The following WWOX variants were observed in gnomAD, a reference collection of about 807,000 sequenced individuals.
The protein encoded by WWOX is WW domain containing oxidoreductase.
In WWOX, 69 loss-of-function variants were observed where a neutral mutation model predicts 46.2. The observed-to-expected ratio is 1.49, with a 90% CI of 1.23 to 1.82. The LOEUF (loss-of-function observed/expected upper bound fraction) is 1.82. Ranked by LOEUF, WWOX falls within the 40% of genes most tolerant of loss-of-function variation. The pLI, the probability that WWOX is intolerant of heterozygous loss-of-function variation, is 0.00. For missense variants in WWOX, 919 were observed against 542.6 expected, an observed-to-expected ratio of 1.69 and a Z score of -6.89; for synonymous variants, 359 against 202.6, an observed-to-expected ratio of 1.77 and a Z score of -6.56.
intron 7 of WWOX, among the ~76,000 whole-genome samples, chr16:78,428,574 T>A (rs1432968338): frequency 1.3e-5 from 2 of 152,238 alleles, no homozygotes; most frequent in Non-Finnish European, 2.9e-5. Context: ...CATCATGGGA[T>A]TCTTTTGACT....
intron 4 of WWOX, among the ~76,000 whole-genome samples, chr16:78,117,678 T>G (rs2032870529): frequency 6.6e-6 from 1 of 152,216 alleles, no homozygotes; most frequent in African/African-American, 2.4e-5. Flanking sequence ...AATTTATAAA[T>G]TGCTATCACT....
chr16:78,958,160 A>C (rs2046205947), intron 8 of WWOX, among the ~76,000 whole-genome samples: 1 of 152,206 alleles, frequency 6.6e-6, no homozygotes, highest in Non-Finnish European at 1.5e-5. Context: ...ACGGCGAAGG[A>C]AATTCCATTT....
At chr16:78,510,680 T>C (rs949757808) in intron 8 of WWOX, among the ~76,000 whole-genome samples, 6 of 152,244 alleles carry the variant, frequency 3.9e-5, no homozygotes, top group African/African-American at 1.4e-4. Context: ...ATAAAGAATG[T>C]TGTTTATTTT....
chr16:79,088,520 T>C lies in WWOX; in HGVS notation c.1057-123088T>C, dbSNP rs143859426. Among the ~76,000 whole-genome samples, 78 of 152,322 alleles carry C rather than the reference T, an allele frequency of 5.1e-4. No individual in the cohort carries two copies. In the East Asian group the frequency reaches 0.011, roughly 22 times the overall value. ...AGTCTTATCTGGGCCGCTGCAAATA[T>C]GACGGAGTCAGAAAAATGACAACAT... On this transcript the variant is annotated intron_variant, in intron 8 of 8. Coordinates refer to ENST00000566780, the MANE Select transcript of WWOX (RefSeq NM_016373.4).
chr16:79,010,712 G>C (rs752390821), intron 8 of WWOX, among the ~76,000 whole-genome samples: 1 of 152,072 alleles, frequency 6.6e-6, no homozygotes, highest in South Asian at 2.1e-4. Context: ...GAGGAGGTTT[G>C]GCCATGGGTA....
intron 8 of WWOX, among the ~76,000 whole-genome samples, chr16:79,073,467 A>G (rs1274901268): frequency 6.6e-6 from 1 of 152,128 alleles, no homozygotes; most frequent in Non-Finnish European, 1.5e-5. Context: ...AGCATGAGCC[A>G]CCGCGCCTGG....
chr16:78,677,794 G>C (rs1452113282), intron 8 of WWOX, among the ~76,000 whole-genome samples: 2 of 152,188 alleles, frequency 1.3e-5, no homozygotes, highest in African/African-American at 4.8e-5. Flanking sequence ...TGGGAACTGA[G>C]GGTGGTCAGT....
chr16:79,187,958 C>T (rs1454257122), intron 8 of WWOX, among the ~76,000 whole-genome samples: 1 of 152,220 alleles, frequency 6.6e-6, no homozygotes, highest in African/African-American at 2.4e-5. Context: ...ATAATGTTCC[C>T]TCTTATCTCG....
In WWOX at chr16:78,122,231, A is replaced by G. The variant is rs568024417; in HGVS notation, c.409+7077A>G. 1.7e-4 allele frequency among the ~76,000 whole-genome samples: 26 copies of G among 152,314 alleles called. No homozygotes were observed. The South Asian group carries it at 5.0e-3, about 29-fold the overall frequency. ...GGCATCACTGTGGGTCTTGGAACGC[A>G]TCTCCCGAGGATAAGGGGGGGCTAC... On this transcript the variant is annotated intron_variant, in intron 4 of 8. Transcript: ENST00000566780.
intron 8 of WWOX, among the ~76,000 whole-genome samples, chr16:78,723,256 T>G (rs1026093700): frequency 2.6e-4 from 39 of 152,248 alleles, no homozygotes; most frequent in African/African-American, 9.4e-4. Flanking sequence ...CACTGCAACA[T>G]TTTAGAATCA....
At chr16:78,961,494 T>C (rs1429355362) in intron 8 of WWOX, among the ~76,000 whole-genome samples, 1 of 151,660 alleles carries the variant, frequency 6.6e-6, no homozygotes, top group Non-Finnish European at 1.5e-5. Context: ...GGTAGATGGA[T>C]GGATGCGTGG....
chr16:78,722,356 T>C (rs981479712), intron 8 of WWOX, among the ~76,000 whole-genome samples: 16 of 152,156 alleles, frequency 1.1e-4, no homozygotes, highest in African/African-American at 3.9e-4. Flanking sequence ...AAAATGGAGA[T>C]CGCAGTATCT....
intron 8 of WWOX, among the ~76,000 whole-genome samples, chr16:78,729,926 C>G (rs145121949): frequency 1.2e-3 from 178 of 152,292 alleles, no homozygotes; most frequent in African/African-American, 4.1e-3. Flanking sequence ...TAAACAGACA[C>G]AGTGCAATGC....
At chr16:78,464,272 G>C (rs2084021022) in intron 8 of WWOX, among the ~76,000 whole-genome samples, 1 of 151,782 alleles carries the variant, frequency 6.6e-6, no homozygotes, top group African/African-American at 2.4e-5. Flanking sequence ...ATGACAGGGA[G>C]ATGGAGGGAG....
intron 4 of WWOX, among the ~76,000 whole-genome samples, chr16:78,141,430 C>CTTCT (rs2033982018): frequency 8.4e-6 from 1 of 118,964 alleles, no homozygotes; most frequent in Non-Finnish European, 1.7e-5. Flanking sequence ...CATCCCCCTT[C>CTTCT]TTTTTTTTTT....
intron 5 of WWOX, among the ~76,000 whole-genome samples, chr16:78,282,175 A>C (rs1567476756): frequency 6.6e-6 from 1 of 152,218 alleles, no homozygotes; most frequent in African/African-American, 2.4e-5. Flanking sequence ...ACGGAGTCTG[A>C]GAGGCCCCGT....
At chr16:78,190,531 A>G (rs543134310) in intron 5 of WWOX, among the ~76,000 whole-genome samples, 1 of 152,288 alleles carries the variant, frequency 6.6e-6, no homozygotes, top group African/African-American at 2.4e-5. Context: ...GACCGACCCC[A>G]TGATGGCTAC....
At chr16:78,208,592 A>C (rs887257076) in intron 5 of WWOX, among the ~76,000 whole-genome samples, 12 of 152,360 alleles carry the variant, frequency 7.9e-5, no homozygotes, top group African/African-American at 2.6e-4. Context: ...GCATGCGTTC[A>C]TTCCTAATTA....
Position 78,709,611 on chromosome 16 carries a change from G to A in WWOX, c.1056+276859G>A, listed in dbSNP as rs80264823. On this transcript the variant is annotated intron_variant, in intron 8 of 8. Coordinates refer to ENST00000566780, the MANE Select transcript of WWOX (RefSeq NM_016373.4). ...GGGTTTTCAGGTGAGCGTGCTGTGGGTACCTTCACATTTCAGGCCTTTTAA... is the reference window on the plus strand; with the variant it reads ...GGGTTTTCAGGTGAGCGTGCTGTGGATACCTTCACATTTCAGGCCTTTTAA... Among the ~76,000 whole-genome samples the A allele has an allele frequency of 9.3e-3, 1,417 of 152,204 alleles. 29 individuals carry two copies. The highest frequency in any genetic ancestry group is 0.033 in the African/African-American group (1,358 of 41,506).
Sources: gnomAD v4.1 joint callset for allele counts (sites outside exome capture counted in the v4.1 genomes callset) on GRCh38, gnomAD v4.1.1 for gene constraint, MANE v1.5 for transcripts, NCBI Gene and HGNC (gene_info 2026-07-23, HGNC 2026-07-21) for gene names.